MSR1: variants seen among roughly 807,000 people sequenced by gnomAD.
MSR1 encodes the protein macrophage scavenger receptor types I and II.
MSR1 carries 53 observed loss-of-function variants against 47.2 expected under a neutral mutation model. The ratio of observed to expected loss-of-function variants is 1.12; its 90% CI spans 0.90 to 1.41. MSR1 has a LOEUF of 1.41. Ranked by LOEUF, MSR1 falls within the 40% of genes most tolerant of loss-of-function variation. The pLI is 0.00. For missense variants in MSR1, 786 were observed against 546.9 expected (o/e 1.44, Z -4.36); for synonymous variants, 239 against 185.6 (o/e 1.29, Z -2.34).
chr8:16,187,564 T>C (rs1040245855), intron 1 of MSR1, among the ~76,000 whole-genome samples: 1 of 152,000 alleles, frequency 6.6e-6, no homozygotes, highest in Non-Finnish European at 1.5e-5. Flanking sequence ...CCAAGCCAGA[T>C]CCATGATGTG....
intron 8 of MSR1, among the ~76,000 whole-genome samples, chr8:16,123,292 G>A (rs758196582): frequency 2.6e-5 from 4 of 152,116 alleles, no homozygotes; most frequent in Non-Finnish European, 5.9e-5. Context: ...TAGAGGAAAG[G>A]CGTCTCAATA....
intron 3 of MSR1, among the ~76,000 whole-genome samples, chr8:16,170,014 T>C (rs1801434580): frequency 6.6e-6 from 1 of 152,038 alleles, no homozygotes; most frequent in African/African-American, 2.4e-5. Flanking sequence ...AGCAATATGT[T>C]TTCTAGTTTC....
intron 9 of MSR1, among the ~76,000 whole-genome samples, chr8:16,115,501 T>C (rs1250368185): frequency 1.3e-5 from 2 of 152,332 alleles, no homozygotes; most frequent in African/African-American, 4.8e-5. Context: ...AATGTAAGCC[T>C]GTCTCTTAAA....
intron 1 of MSR1, among the ~76,000 whole-genome samples, chr8:16,181,701 T>C (rs566660431): frequency 2.0e-4 from 31 of 151,878 alleles, no homozygotes; most frequent in African/African-American, 7.2e-4. Flanking sequence ...CTAATGTAAA[T>C]GATGGGTTGA....
intron 8 of MSR1, among the ~76,000 whole-genome samples, chr8:16,123,680 C>A (rs1339871849): frequency 6.6e-6 from 1 of 150,824 alleles, no homozygotes; most frequent in Non-Finnish European, 1.5e-5. Flanking sequence ...TAAGCATAGA[C>A]TATGTGCCTA....
chr8:16,134,804 C>T (rs1429083780), intron 8 of MSR1, among the ~76,000 whole-genome samples: 2 of 152,058 alleles, frequency 1.3e-5, no homozygotes, highest in African/African-American at 2.4e-5. Flanking sequence ...CCAGTGAACA[C>T]AAAAATAATA....
chr8:16,123,318 T>G (rs1337750497), intron 8 of MSR1, among the ~76,000 whole-genome samples: 2 of 152,258 alleles, frequency 1.3e-5, no homozygotes, highest in African/African-American at 4.8e-5. Flanking sequence ...GTAGACTCAT[T>G]TGAGAGTTGG....
Position 16,138,773 on chromosome 8 carries a change from T to C in MSR1, c.1033+4785A>G, listed in dbSNP as rs1237977722. On this transcript the variant is annotated intron_variant, in intron 8 of 9. Coordinates refer to ENST00000262101, the MANE Select transcript of MSR1 (RefSeq NM_138715.3). ...CTTATCTCTAGATGTTTGTGTAAAC[T>C]GGCTATTCAATGTTGCTAGCCTGCT... 1.3e-5 allele frequency among the ~76,000 whole-genome samples: 2 copies of C among 152,202 alleles called. 1 individual carries two copies. The highest frequency in any genetic ancestry group is 4.1e-4 in the South Asian group (2 of 4,834).
intron 2 of MSR1, among the ~76,000 whole-genome samples, chr8:16,177,253 A>C (rs1446911891): frequency 1.3e-5 from 2 of 152,218 alleles, no homozygotes; most frequent in Admixed American, 1.3e-4. Context: ...ATCAAGTTAA[A>C]ATGAAGTGAT....
At chr8:16,134,636 G>A (rs1800346249) in intron 8 of MSR1, among the ~76,000 whole-genome samples, 1 of 152,072 alleles carries the variant, frequency 6.6e-6, no homozygotes, top group African/African-American at 2.4e-5. Flanking sequence ...GTGTTCCATT[G>A]AAAGGAAGAG....
Position 16,109,929 on chromosome 8 carries a change from C to T in MSR1, c.*156G>A, listed in dbSNP as rs12675467. 58,592 of 816,952 alleles carry T rather than the reference C, an allele frequency of 0.072. 2,981 individuals carry two copies. The highest frequency in any genetic ancestry group is 0.16 in the African/African-American group (9,270 of 58,270). 50.6% of individuals were successfully genotyped at this position (816,952 alleles called of 1,614,324 possible). On this transcript the variant is annotated 3_prime_UTR_variant, in exon 10 of 10. Transcript: ENST00000262101. ...TTAAATATAGACATAAAATAGTAAG[C>T]ATGAAGGTGTTCAATATATTAATCC...
At chr8:16,170,563 A>G (rs1801455115) in intron 3 of MSR1, among the ~76,000 whole-genome samples, 1 of 152,176 alleles carries the variant, frequency 6.6e-6, no homozygotes, top group African/African-American at 2.4e-5. Context: ...CAATAAAAAG[A>G]ATAATTTCAT....
Position 16,109,262 on chromosome 8 carries a change from G to C in MSR1, c.*823C>G, listed in dbSNP as rs11992232. On this transcript the variant is annotated 3_prime_UTR_variant, in exon 10 of 10. Coordinates refer to ENST00000262101, the MANE Select transcript of MSR1 (RefSeq NM_138715.3). ...AAACCACTCTTCCTTCTGCACTGAA[G>C]ATGTTTGCATTGTTTGTTAAAATGG... The C allele has an allele frequency of 7.3e-6, 1 of 137,740 alleles. No individual in the cohort carries two copies. Among genetic ancestry groups the C allele is most frequent in the Non-Finnish European group, 1.5e-5 (1 of 65,946 alleles). The allele number at this position is 137,740 out of a possible 1,614,324, so 8.5% of individuals were successfully genotyped here.
Position 16,178,366 on chromosome 8 carries a change from G to C in MSR1, c.-4-374C>G, listed in dbSNP as rs569106599. On this transcript the variant is annotated intron_variant, in intron 1 of 9. Coordinates refer to ENST00000262101, the MANE Select transcript of MSR1 (RefSeq NM_138715.3). ...GAGAACATGCGGTGTTTGGGTTTTTGTCCTTGCGATAGTTTGCTGAGAATG... is the reference window on the plus strand; with the variant it reads ...GAGAACATGCGGTGTTTGGGTTTTTCTCCTTGCGATAGTTTGCTGAGAATG... Among the ~76,000 whole-genome samples, 9 of 148,826 alleles carry C rather than the reference G, an allele frequency of 6.0e-5. No individual in the cohort carries two copies. In the South Asian group the frequency reaches 1.7e-3, roughly 28 times the overall value.
At chr8:16,160,639 G>C (rs1490345662) in intron 5 of MSR1, among the ~76,000 whole-genome samples, 2 of 151,966 alleles carry the variant, frequency 1.3e-5, no homozygotes, top group Non-Finnish European at 2.9e-5. Flanking sequence ...GGGGAGTTTA[G>C]AATAAGAATG....
At chr8:16,178,090 C>G in intron 1 of MSR1, 98 bp from the exon 2 acceptor site, 1 of 894,950 alleles carries the variant, frequency 1.1e-6, no homozygotes. Context: ...GAAATGGAAT[C>G]TATTCAGTTT....
chr8:16,185,057 C>A (rs1801955405), intron 1 of MSR1, among the ~76,000 whole-genome samples: 1 of 151,794 alleles, frequency 6.6e-6, no homozygotes, highest in Non-Finnish European at 1.5e-5. Context: ...CCTATGGCTA[C>A]ATTTGTGCAC....
At chr8:16,171,561 C>T (rs17677443) in intron 3 of MSR1, among the ~76,000 whole-genome samples, 14,362 of 152,064 alleles carry the variant, frequency 0.094, 802 homozygotes, top group Admixed American at 0.2. Flanking sequence ...GGGTTGACAG[C>T]CTCATCCATG....
chr8:16,142,179 T>C (rs1021169738), intron 8 of MSR1, among the ~76,000 whole-genome samples: 1 of 151,964 alleles, frequency 6.6e-6, no homozygotes, highest in African/African-American at 2.4e-5. Context: ...ATAACAAAAA[T>C]TAGCTGGGTG....
Sources: allele counts gnomAD v4.1 joint callset (sites outside exome capture counted in the v4.1 genomes callset), GRCh38; gene constraint gnomAD v4.1.1; transcripts MANE v1.5; gene names NCBI Gene and HGNC (gene_info 2026-07-23, HGNC 2026-07-21).